Variants in SH3RF1 observed in about 807,000 individuals in gnomAD.
SH3RF1 encodes the protein SH3 domain containing ring finger 1.
A neutral mutation model predicts 74.0 loss-of-function variants in SH3RF1; 32 were observed. The observed-to-expected ratio is 0.43, with a 90% CI of 0.33 to 0.58. The LOEUF (loss-of-function observed/expected upper bound fraction) is 0.58. Among genes scored for constraint, SH3RF1 ranks in the 20% least tolerant of loss-of-function variants. The pLI is 0.05. For synonymous variants in SH3RF1, 396 were observed against 439.6 expected (o/e 0.90, Z 1.24); for missense variants, 954 against 1,130.9 (o/e 0.84, Z 2.24).
chr4:169,203,553 G>T (rs986741429), intron 2 of SH3RF1, among the ~76,000 whole-genome samples: 1 of 129,532 alleles, frequency 7.7e-6, no homozygotes, highest in Non-Finnish European at 1.7e-5. Flanking sequence ...CCTGTCTCAA[G>T]AAAAAAAAAA....
intron 2 of SH3RF1, among the ~76,000 whole-genome samples, chr4:169,234,876 G>A (rs1024002415): frequency 1.1e-4 from 17 of 152,124 alleles, no homozygotes; most frequent in African/African-American, 2.7e-4. Flanking sequence ...ATGGTAGGAC[G>A]CACAGCATTT....
intron 11 of SH3RF1, among the ~76,000 whole-genome samples, chr4:169,100,801 A>T (rs954166909): frequency 1.3e-5 from 2 of 152,164 alleles, no homozygotes; most frequent in African/African-American, 4.8e-5. Flanking sequence ...TGTAGCTACT[A>T]CTATCACCAC....
intron 6 of SH3RF1, among the ~76,000 whole-genome samples, chr4:169,129,600 C>A (rs1484171088): frequency 6.6e-6 from 1 of 152,112 alleles, no homozygotes; most frequent in Non-Finnish European, 1.5e-5. Context: ...GGACACAAGA[C>A]AAGAAATTAA....
chr4:169,170,367 A>G (rs72985085), intron 2 of SH3RF1, among the ~76,000 whole-genome samples: 2,054 of 152,342 alleles, frequency 0.013, 59 homozygotes, highest in African/African-American at 0.045. Flanking sequence ...TTTCGTGTAT[A>G]CTGCATAAGA....
At chr4:169,133,961 C>T (rs1445667453) in intron 5 of SH3RF1, among the ~76,000 whole-genome samples, 2 of 152,168 alleles carry the variant, frequency 1.3e-5, no homozygotes, top group African/African-American at 4.8e-5. Flanking sequence ...TTACATGAGC[C>T]ATTTCCCCAT....
chr4:169,227,029 C>CG (rs773213212), intron 2 of SH3RF1, among the ~76,000 whole-genome samples: 1 of 151,776 alleles, frequency 6.6e-6, no homozygotes, highest in Non-Finnish European at 1.5e-5. Context: ...AGCCAGGCGT[C>CG]GGGGCACAAA....
chr4:169,204,287 A>C (rs1441223076), intron 2 of SH3RF1, among the ~76,000 whole-genome samples: 1 of 27,206 alleles, frequency 3.7e-5, no homozygotes, highest in Non-Finnish European at 1.2e-4. Context: ...TCTTTTAATC[A>C]AACTAATTCA....
intron 10 of SH3RF1, among the ~76,000 whole-genome samples, chr4:169,113,346 G>T (rs1366847966): frequency 6.6e-6 from 1 of 152,182 alleles, no homozygotes; most frequent in Non-Finnish European, 1.5e-5. Context: ...CTGACCTCAG[G>T]TGATACACCA....
At chr4:169,115,985 T>C (rs1733325356) in intron 10 of SH3RF1, among the ~76,000 whole-genome samples, 1 of 152,124 alleles carries the variant, frequency 6.6e-6, no homozygotes, top group Non-Finnish European at 1.5e-5. Context: ...GAGGAGTGAC[T>C]AAGTCTCATT....
At chr4:169,195,545 G>A (rs1734794857) in intron 2 of SH3RF1, among the ~76,000 whole-genome samples, 1 of 152,076 alleles carries the variant, frequency 6.6e-6, no homozygotes, top group South Asian at 2.1e-4. Flanking sequence ...ATCTACTTCT[G>A]AGATTCCATT....
At chr4:169,244,074 C>T (rs1730955787) in intron 2 of SH3RF1, among the ~76,000 whole-genome samples, 1 of 152,202 alleles carries the variant, frequency 6.6e-6, no homozygotes, top group Non-Finnish European at 1.5e-5. Context: ...CTTCTACATG[C>T]TCCTATTATG....
chr4:169,270,413 C>T (rs1397723492), intron 1 of SH3RF1, among the ~76,000 whole-genome samples: 1 of 152,008 alleles, frequency 6.6e-6, no homozygotes, highest in Non-Finnish European at 1.5e-5. Flanking sequence ...CCTCCCTCAT[C>T]TCCGCCTCCC....
chr4:169,197,624 C>A (rs868609936), intron 2 of SH3RF1, among the ~76,000 whole-genome samples: 248 of 113,964 alleles, frequency 2.2e-3, no homozygotes, highest in Middle Eastern at 4.8e-3. Context: ...GACTCTGTCT[C>A]AAAAAAAAAA....
intron 2 of SH3RF1, among the ~76,000 whole-genome samples, chr4:169,246,104 A>T (rs1730991096): frequency 6.6e-6 from 1 of 152,168 alleles, no homozygotes; most frequent in Non-Finnish European, 1.5e-5. Context: ...GGCCCCTCTG[A>T]ACCATGTGTC....
chr4:169,133,164 C>G (rs1733645814), intron 5 of SH3RF1, among the ~76,000 whole-genome samples: 1 of 152,116 alleles, frequency 6.6e-6, no homozygotes, highest in African/African-American at 2.4e-5. Context: ...GCCGAGGTCC[C>G]TAATAACTTT....
At chr4:169,254,633 T>C (rs1002178065) in intron 2 of SH3RF1, among the ~76,000 whole-genome samples, 1 of 151,860 alleles carries the variant, frequency 6.6e-6, no homozygotes, top group Non-Finnish European at 1.5e-5. Flanking sequence ...AAATCTGAGA[T>C]CTAGGCAAAG....
At chr4:169,126,791 A>G (rs924606735) in intron 6 of SH3RF1, among the ~76,000 whole-genome samples, 2 of 151,826 alleles carry the variant, frequency 1.3e-5, no homozygotes, top group African/African-American at 4.8e-5. Flanking sequence ...GGGTCTTTCT[A>G]TGTTGCCCAT....
chr4:169,191,300 A>AC (rs1734703588), intron 2 of SH3RF1, among the ~76,000 whole-genome samples: 1 of 148,878 alleles, frequency 6.7e-6, no homozygotes, highest in Non-Finnish European at 1.5e-5. Flanking sequence ...AATAGCTGCA[A>AC]AAAAAAAAAA....
Position 169,268,140 on chromosome 4 carries a change from T to C in SH3RF1, c.393+680A>G, listed in dbSNP as rs577276705. Among the ~76,000 whole-genome samples the C allele has an allele frequency of 2.0e-5, 3 of 152,252 alleles. No individual in the cohort carries two copies. In the East Asian group the frequency reaches 5.8e-4, roughly 29 times the overall value. ...GTAGCTGTCCAAATAATTAGCTTCA[T>C]CTAAAATTATTTCAGCCCAAACTCA... On this transcript the variant is annotated intron_variant, in intron 2 of 11. Coordinates refer to ENST00000284637, the MANE Select transcript of SH3RF1 (RefSeq NM_020870.4).
Sources: gnomAD v4.1 joint callset for allele counts (sites outside exome capture counted in the v4.1 genomes callset) on GRCh38, gnomAD v4.1.1 for gene constraint, MANE v1.5 for transcripts, NCBI Gene and HGNC (gene_info 2026-07-23, HGNC 2026-07-21) for gene names.